The following PTPRD variants were observed in gnomAD, a reference collection of about 807,000 sequenced individuals.
PTPRD encodes the protein receptor-type tyrosine-protein phosphatase delta.
Under a neutral mutation model 214.5 loss-of-function variants are expected in PTPRD, and 34 were observed. The ratio of observed to expected loss-of-function variants is 0.16; its 90% CI spans 0.12 to 0.21. The LOEUF is 0.21. Ranked by LOEUF, PTPRD falls within the 10% of genes least tolerant of loss-of-function variation. The pLI, the probability that PTPRD is intolerant of heterozygous loss-of-function variation, is 1.00. For missense variants in PTPRD, 2,545 were observed against 2,398.7 expected, an observed-to-expected ratio of 1.06 and a Z score of -1.27; for synonymous variants, 1,128 against 845.7, an observed-to-expected ratio of 1.33 and a Z score of -5.79.
chr9:8,789,636 CA>C (rs2096140403), intron 11 of PTPRD, among the ~76,000 whole-genome samples: 1 of 151,904 alleles, frequency 6.6e-6, no homozygotes, highest in African/African-American at 2.4e-5. Context: ...AACAGTAGAG[CA>C]ATTTTTTAAA....
At chr9:8,816,504 G>A (rs537992426) in intron 11 of PTPRD, among the ~76,000 whole-genome samples, 7 of 152,250 alleles carry the variant, frequency 4.6e-5, no homozygotes, top group Admixed American at 6.5e-5. Flanking sequence ...ACAAAACAGC[G>A]TTTAGGAAAG....
intron 6 of PTPRD, among the ~76,000 whole-genome samples, chr9:9,763,213 T>C (rs1474830098): frequency 6.6e-6 from 1 of 152,162 alleles, no homozygotes; most frequent in African/African-American, 2.4e-5. Context: ...CATCAAAGTT[T>C]CAAGAAAAAA....
intron 5 of PTPRD, among the ~76,000 whole-genome samples, chr9:9,823,779 G>T (rs2761761): frequency 0.18 from 27,621 of 151,810 alleles, 3,006 homozygotes; most frequent in African/African-American, 0.3. Flanking sequence ...TCAGATAGAA[G>T]AAATAAAATC....
chr9:9,388,294 C>G (rs1273876106), intron 9 of PTPRD, among the ~76,000 whole-genome samples: 5 of 152,090 alleles, frequency 3.3e-5, no homozygotes, highest in Non-Finnish European at 7.4e-5. Flanking sequence ...CATTTGGGCA[C>G]AAAGGCAGAA....
intron 3 of PTPRD, among the ~76,000 whole-genome samples, chr9:10,292,307 T>A (rs10756021): frequency 0.14 from 21,275 of 151,972 alleles, 2,127 homozygotes; most frequent in South Asian, 0.29. Context: ...GTCTCTCCCC[T>A]TTCTTAATGC....
intron 3 of PTPRD, among the ~76,000 whole-genome samples, chr9:10,094,870 T>C (rs1286915462): frequency 6.6e-6 from 1 of 151,468 alleles, no homozygotes; most frequent in Non-Finnish European, 1.5e-5. Flanking sequence ...CAGGTTTTTA[T>C]GCATTAGTAA....
intron 14 of PTPRD, among the ~76,000 whole-genome samples, chr9:8,545,211 C>G (rs947945141): frequency 6.6e-6 from 1 of 152,120 alleles, no homozygotes. Context: ...ATTCATTTCC[C>G]AACATCATGG....
intron 11 of PTPRD, among the ~76,000 whole-genome samples, chr9:8,957,475 C>T (rs2099137165): frequency 6.6e-6 from 1 of 151,766 alleles, no homozygotes; most frequent in Admixed American, 6.6e-5. Context: ...GAAATGCTGA[C>T]TCTGCTCAGC....
Position 9,167,341 on chromosome 9 carries a change from T to C in PTPRD, c.-143+15963A>G, listed in dbSNP as rs140257772. Among the ~76,000 whole-genome samples the C allele has an allele frequency of 3.8e-3, 584 of 151,796 alleles. 5 individuals are homozygous for C. The highest frequency in any genetic ancestry group is 4.3e-3 in the Non-Finnish European group (290 of 67,912). On this transcript the variant is annotated intron_variant, in intron 10 of 45. Transcript: ENST00000381196. Reference sequence around the variant, plus strand: ...GCTATATGGGGTTTGTGTGTGTGTGTGTGTGTGTGTGTGTGTGTGATTTTT... The same window carrying C: ...GCTATATGGGGTTTGTGTGTGTGTGCGTGTGTGTGTGTGTGTGTGATTTTT...
Position 8,500,835 on chromosome 9 carries a change from ATTCAG to A in PTPRD, c.2042_2046del (p.Thr681IlefsTer16), listed in dbSNP as rs776708175. The A allele has an allele frequency of 6.2e-7, 1 of 1,614,166 alleles. No individual in the cohort carries two copies. The highest frequency in any genetic ancestry group is 2.2e-5 in the East Asian group (1 of 44,872). On this transcript the variant is annotated frameshift_variant, in exon 24 of 46. Coordinates refer to ENST00000381196, the MANE Select transcript of PTPRD (RefSeq NM_002839.4). LOFTEE classifies it high-confidence loss of function. ...GTATGGGCTGTCACAGTGATCCGGT[ATTCAG>A]TCCATTTTTCCAGCTGTTCCAAAAG...
chr9:10,033,241 A>G (rs1201790121), intron 4 of PTPRD, among the ~76,000 whole-genome samples: 2 of 151,798 alleles, frequency 1.3e-5, no homozygotes, highest in African/African-American at 4.8e-5. Context: ...TACTAATGCT[A>G]TATACTGGTA....
In PTPRD at chr9:10,100,676, G is replaced by T. The variant is rs144130404; in HGVS notation, c.-544-66886C>A. ...AATAAAAATTTTCAAATATATACAT[G>T]TTGGAGCGTTACAGATTGGGAAGTA... is the stretch of plus-strand genomic sequence containing the variant. On this transcript the variant is annotated intron_variant, in intron 3 of 45. Coordinates refer to ENST00000381196, the MANE Select transcript of PTPRD (RefSeq NM_002839.4). 4.3e-4 allele frequency among the ~76,000 whole-genome samples: 65 copies of T among 151,666 alleles called. No individual in the cohort carries two copies. In the East Asian group the frequency reaches 0.011, roughly 26 times the overall value.
chr9:9,461,163 A>T (rs1417283054), intron 8 of PTPRD, among the ~76,000 whole-genome samples: 2 of 150,936 alleles, frequency 1.3e-5, no homozygotes, highest in African/African-American at 2.4e-5. Context: ...ACACTGGGGG[A>T]TCTAAAATGT....
chr9:8,455,951 T>A (rs1022535298), intron 33 of PTPRD, among the ~76,000 whole-genome samples: 2 of 152,298 alleles, frequency 1.3e-5, no homozygotes, highest in African/African-American at 4.8e-5. Context: ...TGGGTACATA[T>A]GTGGTACAAA....
intron 3 of PTPRD, among the ~76,000 whole-genome samples, chr9:10,054,824 G>A (rs1432675748): frequency 6.6e-6 from 1 of 151,992 alleles, no homozygotes; most frequent in African/African-American, 2.4e-5. Context: ...AAGTCATCCT[G>A]GCCCTTATAA....
chr9:10,082,368 T>A (rs1296331707), intron 3 of PTPRD, among the ~76,000 whole-genome samples: 1 of 152,124 alleles, frequency 6.6e-6, no homozygotes, highest in East Asian at 1.9e-4. Flanking sequence ...CAGCATATCA[T>A]AAGAGCAATC....
chr9:10,119,363 G>C (rs1222627827), intron 3 of PTPRD, among the ~76,000 whole-genome samples: 1 of 151,922 alleles, frequency 6.6e-6, no homozygotes, highest in Non-Finnish European at 1.5e-5. Flanking sequence ...GCCTTCTATG[G>C]TACACTGGAT....
intron 11 of PTPRD, among the ~76,000 whole-genome samples, chr9:8,739,977 G>C (rs1393403307): frequency 6.6e-6 from 1 of 152,150 alleles, no homozygotes; most frequent in African/African-American, 2.4e-5. Flanking sequence ...GGAACTGTAA[G>C]TCCATTAAAC....
intron 2 of PTPRD, among the ~76,000 whole-genome samples, chr9:10,469,419 C>T (rs2099015605): frequency 6.6e-6 from 1 of 152,014 alleles, no homozygotes; most frequent in Admixed American, 6.6e-5. Context: ...GAGAGAAATC[C>T]TTGCATTATT....
Sources: gnomAD v4.1 joint callset for allele counts (sites outside exome capture counted in the v4.1 genomes callset) on GRCh38, gnomAD v4.1.1 for gene constraint, MANE v1.5 for transcripts, NCBI Gene and HGNC (gene_info 2026-07-23, HGNC 2026-07-21) for gene names.